Variants in CSMD2 observed in about 807,000 individuals in gnomAD.
CSMD2 encodes CUB and sushi domain-containing protein 2.
CSMD2 carries 130 observed loss-of-function variants against 398.5 expected under a neutral mutation model. The ratio of observed to expected loss-of-function variants is 0.33; its 90% CI spans 0.28 to 0.38. CSMD2 has a LOEUF of 0.38. CSMD2 is among the 10% of genes least tolerant of loss of function. The pLI is 1.00. For synonymous variants in CSMD2, 1,828 were observed against 1,908.5 expected (o/e 0.96, Z 1.10); for missense variants, 3,829 against 4,764.9 (o/e 0.80, Z 5.78).
intron 5 of CSMD2, chr1:33,862,477 G>A (rs963998594): frequency 6.6e-6 from 1 of 151,316 alleles, no homozygotes; most frequent in Non-Finnish European, 1.5e-5. Flanking sequence ...TCTCAGAAAG[G>A]AGCTGTGTCC....
Position 33,516,411 on chromosome 1 carries a change from C to T in CSMD2, c.*213G>A, listed in dbSNP as rs184919868. The stretch of plus-strand genomic sequence containing the variant: ...TCTGCAGCCCCTCTTCCTTTTCTGC[C>T]TTTTCAGGACACGGCAGGAGTCCTC... On this transcript the variant is annotated 3_prime_UTR_variant, in exon 71 of 71. Transcript: ENST00000373381. 1.3e-3 allele frequency: 199 copies of T among 152,340 alleles called. No homozygotes were observed. Among genetic ancestry groups the T allele is most frequent in the African/African-American group, 4.7e-3 (195 of 41,536 alleles). The allele number at this position is 152,340 out of a possible 1,614,324, so 9.4% of individuals were successfully genotyped here.
chr1:33,718,766 T>C (rs1646257441), intron 19 of CSMD2, among the ~76,000 whole-genome samples: 1 of 152,246 alleles, frequency 6.6e-6, no homozygotes, highest in African/African-American at 2.4e-5. Flanking sequence ...TTATAAATGA[T>C]GGTTGGAGAT....
chr1:33,897,868 C>T (rs545958209), intron 5 of CSMD2, among the ~76,000 whole-genome samples: 2 of 152,212 alleles, frequency 1.3e-5, no homozygotes, highest in Non-Finnish European at 2.9e-5. Context: ...TCAATTCTCC[C>T]AGAGACCCGA....
At chr1:34,134,771 T>C (rs532329384) in intron 1 of CSMD2, among the ~76,000 whole-genome samples, 67 of 152,288 alleles carry the variant, frequency 4.4e-4, no homozygotes, top group Middle Eastern at 3.4e-3. Flanking sequence ...GCAAGGTGCA[T>C]AAACAGATAG....
At chr1:34,045,174 T>G (rs1321385448) in intron 2 of CSMD2, among the ~76,000 whole-genome samples, 1 of 152,134 alleles carries the variant, frequency 6.6e-6, no homozygotes, top group Non-Finnish European at 1.5e-5. Context: ...TTTTTGTGCC[T>G]TTCTATATAT....
intron 13 of CSMD2, among the ~76,000 whole-genome samples, chr1:33,745,869 CT>C: frequency 6.6e-6 from 1 of 152,320 alleles, no homozygotes; most frequent in South Asian, 2.1e-4. Flanking sequence ...ATTCTAAGCA[CT>C]TCCATCACTT....
chr1:34,073,794 C>T (rs1321601683), intron 2 of CSMD2, among the ~76,000 whole-genome samples: 1 of 152,168 alleles, frequency 6.6e-6, no homozygotes, highest in East Asian at 1.9e-4. Flanking sequence ...TCCATTCTTG[C>T]ATTGCTGTAA....
chr1:33,761,381 G>T (rs891606536), intron 13 of CSMD2, among the ~76,000 whole-genome samples: 1 of 152,238 alleles, frequency 6.6e-6, no homozygotes, highest in African/African-American at 2.4e-5. Context: ...TACATGGGCA[G>T]ATCCCAGATG....
intron 5 of CSMD2, among the ~76,000 whole-genome samples, chr1:33,913,472 C>T (rs1570483853): frequency 1.3e-5 from 2 of 152,332 alleles, no homozygotes; most frequent in East Asian, 3.9e-4. Flanking sequence ...CTCCATCTTA[C>T]TCTTTTCCTC....
intron 5 of CSMD2, among the ~76,000 whole-genome samples, chr1:33,886,536 GC>G (rs920842301): frequency 1.2e-4 from 18 of 152,162 alleles, no homozygotes; most frequent in African/African-American, 4.3e-4. Flanking sequence ...CTCTCTGGAA[GC>G]CCCCAGCCAC....
intron 3 of CSMD2, among the ~76,000 whole-genome samples, chr1:34,020,281 C>T (rs990678230): frequency 6.6e-6 from 1 of 152,208 alleles, no homozygotes; most frequent in Admixed American, 6.5e-5. Context: ...GCCCTGTCCC[C>T]TCCACTTCCC....
chr1:34,040,930 C>T (rs908343052), intron 2 of CSMD2, among the ~76,000 whole-genome samples: 3 of 152,014 alleles, frequency 2.0e-5, no homozygotes, highest in African/African-American at 7.3e-5. Context: ...TTCGAGATCA[C>T]CCTGGTCAAT....
Position 33,743,487 on chromosome 1 carries a change from T to A in CSMD2, c.1966A>T (p.Ile656Phe). ...TCAATGTCGTTGAAGGCCAGGTGGA[T>A]GCGGCTCTCAGGCCTGGCCAGGATG... ...WLILARPESR[I>F]HLAFNDIDVE... Residue 656 changes from isoleucine to phenylalanine, a missense_variant, in exon 14 of 71, where the codon ATC becomes TTC. Physicochemically the swap from Ile to Phe is conservative, Grantham distance 21. Around this residue, in one of 5 missense-constraint regions of CSMD2, gnomAD observed 2,001 missense variants for 2,567.1 expected, o/e 0.78. Transcript: ENST00000373381. 1 of 1,614,080 alleles carries A rather than the reference T, an allele frequency of 6.2e-7. No individual in the cohort carries two copies. Among genetic ancestry groups the A allele is most frequent in the Non-Finnish European group, 8.5e-7 (1 of 1,180,028 alleles).
chr1:34,002,754 G>A (rs1646940023), intron 3 of CSMD2, among the ~76,000 whole-genome samples: 1 of 152,114 alleles, frequency 6.6e-6, no homozygotes, highest in Admixed American at 6.5e-5. Flanking sequence ...GCCCACACAT[G>A]GGGATTTAGT....
intron 13 of CSMD2, among the ~76,000 whole-genome samples, chr1:33,745,493 G>A (rs1647274790): frequency 6.6e-6 from 1 of 152,130 alleles, no homozygotes; most frequent in South Asian, 2.1e-4. Context: ...AGGTAATGAT[G>A]CTAAGATGAA....
intron 5 of CSMD2, among the ~76,000 whole-genome samples, chr1:33,875,795 A>T (rs1640799119): frequency 6.6e-6 from 1 of 152,234 alleles, no homozygotes; most frequent in Non-Finnish European, 1.5e-5. Context: ...CACTCACATC[A>T]GCCAAGAGGT....
At chr1:33,944,358 G>C (rs1644777130) in intron 3 of CSMD2, among the ~76,000 whole-genome samples, 2 of 152,140 alleles carry the variant, frequency 1.3e-5, no homozygotes, top group Admixed American at 6.5e-5. Context: ...GTGACTAGCA[G>C]GTACTGGAAG....
At position 33,596,330 on chromosome 1, in the gene CSMD2, C is replaced by G. The variant is rs145589417; in HGVS notation, c.6856+4535G>C. ...CTCTGACACCCTGTGCCAGCTCCATCCCTGTACAGATACCTAAGCTCCAGC... is the reference window on the plus strand; with the variant it reads ...CTCTGACACCCTGTGCCAGCTCCATGCCTGTACAGATACCTAAGCTCCAGC... On this transcript the variant is annotated intron_variant, in intron 44 of 70. Coordinates refer to ENST00000373381, the MANE Select transcript of CSMD2 (RefSeq NM_001281956.2). Among the ~76,000 whole-genome samples the G allele has an allele frequency of 2.6e-4, 39 of 152,244 alleles. No individual in the cohort carries two copies. In the East Asian group the frequency reaches 6.8e-3, roughly 26 times the overall value.
At chr1:34,055,161 T>C (rs1038706934) in intron 2 of CSMD2, among the ~76,000 whole-genome samples, 3 of 152,138 alleles carry the variant, frequency 2.0e-5, no homozygotes, top group Non-Finnish European at 4.4e-5. Context: ...ACAATAACAA[T>C]AAACAAGCAA....
Sources: allele counts gnomAD v4.1 joint callset (sites outside exome capture counted in the v4.1 genomes callset), GRCh38; gene constraint gnomAD v4.1.1; regional missense constraint gnomAD v4.1.1; transcripts MANE v1.5; gene names NCBI Gene and HGNC (gene_info 2026-07-23, HGNC 2026-07-21).